RILPL1: variants seen among roughly 807,000 people sequenced by gnomAD.
RILPL1 encodes the protein Rab interacting lysosomal protein like 1.
In RILPL1, 33 loss-of-function variants were observed where a neutral mutation model predicts 50.3. That is an observed-to-expected ratio of 0.66 (90% CI 0.50 to 0.88). The LOEUF (loss-of-function observed/expected upper bound fraction) is 0.88, where lower values mean the gene tolerates loss of function less well. Among genes scored for constraint, RILPL1 ranks in the 40% least tolerant of loss-of-function variants. RILPL1 has a pLI of 0.00. For synonymous variants in RILPL1, 205 were observed against 228.6 expected, an observed-to-expected ratio of 0.90 and a Z score of 0.93; for missense variants, 418 against 542.5, an observed-to-expected ratio of 0.77 and a Z score of 2.28.
chr12:123,481,534 T>C (rs1461797103), intron 6 of RILPL1, among the ~76,000 whole-genome samples: 1 of 151,750 alleles, frequency 6.6e-6, no homozygotes, highest in Non-Finnish European at 1.5e-5. Flanking sequence ...GTTGGAACTT[T>C]TAGTTCCTTA....
intron 2 of RILPL1, among the ~76,000 whole-genome samples, chr12:123,520,674 T>C (rs899624416): frequency 6.6e-6 from 1 of 152,182 alleles, no homozygotes; most frequent in East Asian, 1.9e-4. Context: ...GCTAGAAAAC[T>C]TTCTAATGTC....
intron 2 of RILPL1, chr12:123,519,665 C>T (rs951309886): frequency 6.6e-6 from 1 of 152,264 alleles, no homozygotes; most frequent in Admixed American, 6.5e-5. Context: ...AGGTCTGTTC[C>T]CCTAGCAGGT....
chr12:123,499,427 G>T lies in RILPL1; in HGVS notation c.570C>A (p.Asp190Glu). Reference protein sequence around the residue: ...KDRELGLKNEDVEALQQQQTR... With the variant: ...KDRELGLKNEEVEALQQQQTR... The stretch of plus-strand genomic sequence containing the variant: ...GGGGTGTGTCACTCACAGCCTCAAC[G>T]TCCTCATTTTTCAGGCCCAGCTCCC... The change falls in exon 3 of 7, where the codon GAC (aspartate) becomes GAA (glutamate). Residue 190 changes from aspartate to glutamate, a missense_variant. Physicochemically the swap from Asp to Glu is conservative, Grantham distance 45 (BLOSUM62 2). Coordinates refer to ENST00000376874, the MANE Select transcript of RILPL1 (RefSeq NM_178314.5). 6.2e-7 allele frequency: 1 copy of T among 1,612,950 alleles called. No homozygotes were observed. The highest frequency in any genetic ancestry group is 8.5e-7 in the Non-Finnish European group (1 of 1,178,998).
At chr12:123,514,915 A>G (rs1227744239) in intron 2 of RILPL1, among the ~76,000 whole-genome samples, 1 of 151,228 alleles carries the variant, frequency 6.6e-6, no homozygotes, top group Non-Finnish European at 1.5e-5. Context: ...GACAATCCAA[A>G]CAATAAATAC....
chr12:123,477,284 T>G (rs1016866451), intron 6 of RILPL1, among the ~76,000 whole-genome samples: 26 of 152,186 alleles, frequency 1.7e-4, no homozygotes, highest in Admixed American at 5.2e-4. Context: ...ACCTTTGATG[T>G]GCTTCACAGA....
At chr12:123,486,346 C>G (rs1334712465) in intron 4 of RILPL1, among the ~76,000 whole-genome samples, 1 of 152,098 alleles carries the variant, frequency 6.6e-6, no homozygotes, top group African/African-American at 2.4e-5. Flanking sequence ...CAGTGGAAGC[C>G]CGGCGGGGGT....
chr12:123,480,187 G>T (rs912599760), intron 6 of RILPL1, among the ~76,000 whole-genome samples: 1 of 148,134 alleles, frequency 6.8e-6, no homozygotes, highest in African/African-American at 2.5e-5. Flanking sequence ...TTTAAATGGG[G>T]TATCGCTCTG....
intron 1 of RILPL1, among the ~76,000 whole-genome samples, chr12:123,529,108 G>A (rs966211479): frequency 7.2e-5 from 11 of 152,042 alleles, no homozygotes; most frequent in African/African-American, 2.4e-4. Context: ...CACTAGCCAC[G>A]TCTTCTGCCT....
At chr12:123,505,522 T>C (rs1883690499) in intron 2 of RILPL1, among the ~76,000 whole-genome samples, 1 of 152,182 alleles carries the variant, frequency 6.6e-6, no homozygotes, top group Admixed American at 6.5e-5. Flanking sequence ...CTCACTGTGT[T>C]ACCCAGGCTG....
chr12:123,500,865 G>A lies in RILPL1; in HGVS notation c.461-1329C>T, dbSNP rs140212733. Among the ~76,000 whole-genome samples, 1,042 of 152,174 alleles carry A rather than the reference G, an allele frequency of 6.8e-3. 10 individuals are homozygous for A. Among genetic ancestry groups the A allele is most frequent in the African/African-American group, 0.024 (989 of 41,530 alleles). ...CATGCCTGTAATGCCAGCACTTTGG[G>A]AGGCTGAGGCGGTTGGATCACCTGA... On this transcript the variant is annotated intron_variant, in intron 2 of 6. Coordinates refer to ENST00000376874, the MANE Select transcript of RILPL1 (RefSeq NM_178314.5).
chr12:123,505,407 T>A (rs1883679833), intron 2 of RILPL1, among the ~76,000 whole-genome samples: 1 of 152,170 alleles, frequency 6.6e-6, no homozygotes, highest in African/African-American at 2.4e-5. Flanking sequence ...CACTGCAGCC[T>A]TGACCTCCCA....
intron 2 of RILPL1, among the ~76,000 whole-genome samples, chr12:123,503,723 C>T (rs1361735634): frequency 1.3e-5 from 2 of 151,774 alleles, no homozygotes; most frequent in East Asian, 2.0e-4. Flanking sequence ...AAGATCTGGC[C>T]GGGAGTGGTG....
intron 1 of RILPL1, among the ~76,000 whole-genome samples, chr12:123,530,639 G>A (rs1016983769): frequency 2.7e-4 from 41 of 152,306 alleles, no homozygotes; most frequent in African/African-American, 9.4e-4. Flanking sequence ...AAATATATTC[G>A]CTGAATGAGT....
intron 6 of RILPL1, among the ~76,000 whole-genome samples, chr12:123,483,025 T>C (rs1481122721): frequency 6.6e-6 from 1 of 151,846 alleles, no homozygotes; most frequent in Non-Finnish European, 1.5e-5. Flanking sequence ...TTTTAAAGGT[T>C]GGGGTATATG....
chr12:123,484,232 GTGGGGGT>G lies in RILPL1; in HGVS notation c.1008_1014del (p.Gln336HisfsTer104). ...GGGGACGTCCTCGGGTGGGCGATGGGTGGGGGTTGGGGTATTCGGTTTTCCTCTTCCA... is the reference window on the plus strand; with the variant it reads ...GGGGACGTCCTCGGGTGGGCGATGGGTGGGGTATTCGGTTTTCCTCTTCCA... On this transcript the variant is annotated frameshift_variant, in exon 6 of 7. Coordinates refer to ENST00000376874, the MANE Select transcript of RILPL1 (RefSeq NM_178314.5). LOFTEE classifies it high-confidence loss of function. The G allele has an allele frequency of 6.2e-7, 1 of 1,609,286 alleles. No homozygotes were observed. The highest frequency in any genetic ancestry group is 8.5e-7 in the Non-Finnish European group (1 of 1,175,664).
At position 123,508,950 on chromosome 12, in the gene RILPL1, C is replaced by T. The variant is rs149890915; in HGVS notation, c.461-9414G>A. On this transcript the variant is annotated intron_variant, in intron 2 of 6. Transcript: ENST00000376874. ...CCTGTAATCCCAGCACTTTGGGAAG[C>T]TGAGGAGGGCGGATCACTTGAGGTC... is the stretch of plus-strand genomic sequence containing the variant. Among the ~76,000 whole-genome samples the T allele has an allele frequency of 2.5e-4, 38 of 152,026 alleles. No homozygotes were observed. The East Asian group carries it at 7.0e-3, about 28-fold the overall frequency.
intron 4 of RILPL1, among the ~76,000 whole-genome samples, chr12:123,493,761 A>G (rs1882845349): frequency 6.6e-6 from 1 of 150,384 alleles, no homozygotes. Context: ...GATGCCTTCA[A>G]GATCTGTCCT....
chr12:123,488,983 G>A (rs1334287177), intron 4 of RILPL1, among the ~76,000 whole-genome samples: 2 of 152,116 alleles, frequency 1.3e-5, no homozygotes, highest in Admixed American at 6.6e-5. Context: ...GGGATGCTCC[G>A]GAACCACCCG....
At chr12:123,516,971 G>C (rs1884735076) in intron 2 of RILPL1, among the ~76,000 whole-genome samples, 1 of 152,248 alleles carries the variant, frequency 6.6e-6, no homozygotes, top group East Asian at 1.9e-4. Context: ...TGAGGCAGGA[G>C]GATTACCTGA....
Sources: gnomAD v4.1 joint callset for allele counts (sites outside exome capture counted in the v4.1 genomes callset) on GRCh38, gnomAD v4.1.1 for gene constraint, MANE v1.5 for transcripts, NCBI Gene and HGNC (gene_info 2026-07-23, HGNC 2026-07-21) for gene names.